Variants in TRAPPC9 observed in about 807,000 individuals in gnomAD.
TRAPPC9 encodes the protein IKK2 binding protein.
TRAPPC9 carries 83 observed loss-of-function variants against 124.0 expected under a neutral mutation model. That is an observed-to-expected ratio of 0.67 (90% CI 0.56 to 0.80). The LOEUF (loss-of-function observed/expected upper bound fraction) is 0.80. Ranked by LOEUF, TRAPPC9 falls within the 30% of genes least tolerant of loss-of-function variation. The probability of loss-of-function intolerance (pLI) is 0.00; values close to 1 mark genes in which losing one functional copy is unlikely to be tolerated. For missense variants in TRAPPC9, 1,302 were observed against 1,508.3 expected (o/e 0.86, Z 2.27); for synonymous variants, 638 against 617.5 (o/e 1.03, Z -0.49).
At position 140,220,468 on chromosome 8, in the gene TRAPPC9, C is replaced by G. The variant is rs146043743; in HGVS notation, c.2556+991G>C. 6.2e-3 allele frequency among the ~76,000 whole-genome samples: 945 copies of G among 152,026 alleles called. 6 individuals carry two copies. The highest frequency in any genetic ancestry group is 0.03 in the South Asian group (143 of 4,828). On this transcript the variant is annotated intron_variant, in intron 17 of 22. Coordinates refer to ENST00000438773, the MANE Select transcript of TRAPPC9 (RefSeq NM_001160372.4). ...ACAGAAGCTCTCCAGGAATGGGGCA[C>G]TCCCCGCTACCAACAACCCCCTTCT... is the stretch of plus-strand genomic sequence containing the variant.
In TRAPPC9 at chr8:139,830,323, TAC is replaced by T. The variant is rs1052488951; in HGVS notation, c.3055+55554_3055+55555del. On this transcript the variant is annotated intron_variant, in intron 21 of 22. Coordinates refer to ENST00000438773, the MANE Select transcript of TRAPPC9 (RefSeq NM_001160372.4). Reference sequence around the variant, plus strand: ...CACACTACACATGCACACACATGCATACACACAAGTGAATATACACACGCAAT... The same window carrying T: ...CACACTACACATGCACACACATGCATACACAAGTGAATATACACACGCAAT... Among the ~76,000 whole-genome samples, 20 of 142,150 alleles carry T rather than the reference TAC, an allele frequency of 1.4e-4. 1 individual carries two copies. The highest frequency in any genetic ancestry group is 5.2e-4 in the African/African-American group (19 of 36,798). 93.3% of individuals were successfully genotyped at this position (142,150 alleles called of 152,430 possible).
chr8:139,933,558 A>G (rs1358487883), intron 19 of TRAPPC9: 1 of 152,330 alleles, frequency 6.6e-6, no homozygotes, highest in Admixed American at 6.5e-5. Flanking sequence ...CCTCCCGCCC[A>G]CCGCGGCCGC....
At chr8:140,179,993 ATTTTTT>A (rs71520259) in intron 17 of TRAPPC9, among the ~76,000 whole-genome samples, 1 of 90,034 alleles carries the variant, frequency 1.1e-5, no homozygotes, top group Non-Finnish European at 2.0e-5. Flanking sequence ...TTATATCTTG[ATTTTTT>A]TTTTTTTTTT....
chr8:140,253,805 G>C (rs976422922), intron 15 of TRAPPC9, among the ~76,000 whole-genome samples: 3 of 152,214 alleles, frequency 2.0e-5, no homozygotes, highest in Admixed American at 6.5e-5. Context: ...TTGAATGTTA[G>C]AGTCACATGG....
chr8:140,267,625 G>A (rs1293640221), intron 15 of TRAPPC9, among the ~76,000 whole-genome samples: 1 of 152,102 alleles, frequency 6.6e-6, no homozygotes, highest in Admixed American at 6.5e-5. Context: ...GGTATGTGGA[G>A]AGCGCTAAGA....
intron 5 of TRAPPC9, among the ~76,000 whole-genome samples, chr8:140,416,910 C>A (rs1028867600): frequency 6.6e-6 from 1 of 152,032 alleles, no homozygotes; most frequent in Non-Finnish European, 1.5e-5. Flanking sequence ...TCAGAAATAA[C>A]GCCACACATC....
chr8:139,737,671 G>A (rs963737976), intron 21 of TRAPPC9, among the ~76,000 whole-genome samples: 12 of 152,306 alleles, frequency 7.9e-5, no homozygotes, highest in African/African-American at 2.9e-4. Flanking sequence ...GCTGCTTGTC[G>A]AGGAGCTGTT....
At chr8:140,066,802 A>AC (rs968965017) in intron 17 of TRAPPC9, among the ~76,000 whole-genome samples, 1 of 152,212 alleles carries the variant, frequency 6.6e-6, no homozygotes, top group African/African-American at 2.4e-5. Flanking sequence ...AAGGATGGGC[A>AC]CCCTCATCTC....
At chr8:140,023,849 A>G (rs1839960773) in intron 18 of TRAPPC9, 88 bp downstream of exon 18, 1 of 1,597,666 alleles carries the variant, frequency 6.3e-7, no homozygotes, top group South Asian at 1.1e-5. Context: ...GACGGGATGC[A>G]TGACAAAAAC....
intron 8 of TRAPPC9, 59 bp downstream of exon 8, chr8:140,370,905 C>T (rs536735985): frequency 1.3e-6 from 2 of 1,591,220 alleles, no homozygotes; most frequent in Non-Finnish European, 1.7e-6. Flanking sequence ...GGGGCTGAAA[C>T]AGCATGTGAC....
chr8:140,308,401 G>A (rs2066196844), intron 10 of TRAPPC9, among the ~76,000 whole-genome samples: 1 of 151,404 alleles, frequency 6.6e-6, no homozygotes, highest in Non-Finnish European at 1.5e-5. Context: ...TCGTACTGAG[G>A]TTCCGTGGGT....
intron 13 of TRAPPC9, 115 bp from the exon 14 acceptor site, chr8:140,284,136 C>T: frequency 4.2e-6 from 6 of 1,438,968 alleles, no homozygotes; most frequent in Non-Finnish European, 5.8e-6. Context: ...AGTTCCGAAG[C>T]TGCCCGGGGC....
At chr8:139,808,172 A>G (rs180999462) in intron 21 of TRAPPC9, among the ~76,000 whole-genome samples, 24 of 152,362 alleles carry the variant, frequency 1.6e-4, no homozygotes, top group Admixed American at 1.2e-3. Flanking sequence ...GAAGTATACA[A>G]TTCAGGCTGG....
chr8:140,443,131 C>CAAAAA (rs1177286944), intron 2 of TRAPPC9, among the ~76,000 whole-genome samples: 1,513 of 43,904 alleles, frequency 0.034, 330 homozygotes, highest in Non-Finnish European at 0.049. Context: ...GACTCCATCT[C>CAAAAA]AAAAAAAAAA....
intron 10 of TRAPPC9, 48 bp from the exon 11 acceptor site, chr8:140,300,662 G>A (rs370313122): frequency 8.7e-6 from 14 of 1,611,814 alleles, no homozygotes; most frequent in Non-Finnish European, 1.2e-5. Flanking sequence ...TGGTTAGCGT[G>A]GTTTCAGGAT....
intron 17 of TRAPPC9, among the ~76,000 whole-genome samples, chr8:140,218,499 A>C (rs2063257045): frequency 6.6e-6 from 1 of 152,008 alleles, no homozygotes; most frequent in Admixed American, 6.6e-5. Context: ...CATTTTAGAC[A>C]GGGGCTGGTT....
At chr8:139,986,520 C>A (rs1314650522) in intron 19 of TRAPPC9, among the ~76,000 whole-genome samples, 1 of 152,126 alleles carries the variant, frequency 6.6e-6, no homozygotes, top group Non-Finnish European at 1.5e-5. Context: ...CCCCCATATG[C>A]CCATTAAGAG....
At position 139,730,597 on chromosome 8, in the gene TRAPPC9, A is replaced by C. The variant is rs1226763247; in HGVS notation, c.*464T>G. The C allele has an allele frequency of 5.9e-6, 1 of 170,566 alleles. No individual in the cohort carries two copies. The highest frequency in any genetic ancestry group is 5.5e-5 in the Admixed American group (1 of 18,092). The allele number at this position is 170,566 out of a possible 1,614,324, so 10.6% of individuals were successfully genotyped here. A position where few individuals can be genotyped will look rare whatever the true frequency, so the allele number is the denominator to read the frequency against. On this transcript the variant is annotated 3_prime_UTR_variant, in exon 23 of 23. Coordinates refer to ENST00000438773, the MANE Select transcript of TRAPPC9 (RefSeq NM_001160372.4). ...AAGAAAACCAGCCTTGGGGGATTCC[A>C]AGGCCCAGGGAGGGTGGGAAGCTGC...
At chr8:139,737,466 T>TCCCC (rs35297460) in intron 21 of TRAPPC9, among the ~76,000 whole-genome samples, 1,420 of 41,208 alleles carry the variant, frequency 0.034, 147 homozygotes, top group South Asian at 0.12. Flanking sequence ...TCATCAGCCC[T>TCCCC]CCCCCCCCCC....
Sources: gnomAD v4.1 joint callset for allele counts (sites outside exome capture counted in the v4.1 genomes callset) on GRCh38, gnomAD v4.1.1 for gene constraint, MANE v1.5 for transcripts, NCBI Gene and HGNC (gene_info 2026-07-23, HGNC 2026-07-21) for gene names.